The following CPEB1 variants were observed in gnomAD, a reference collection of about 807,000 sequenced individuals.
CPEB1 encodes cytoplasmic polyadenylation element binding protein 1, also known as cytoplasmic polyadenylation element-binding protein 1.
Under a neutral mutation model 65.8 loss-of-function variants are expected in CPEB1, and 7 were observed. The observed-to-expected ratio is 0.11, with a 90% CI of 0.06 to 0.20. The LOEUF (loss-of-function observed/expected upper bound fraction) is 0.20, where lower values mean the gene tolerates loss of function less well. Among genes scored for constraint, CPEB1 ranks in the 10% least tolerant of loss-of-function variants. CPEB1 has a pLI of 1.00. For synonymous variants in CPEB1, 262 were observed against 260.0 expected (o/e 1.01, Z -0.08); for missense variants, 551 against 712.2 (o/e 0.77, Z 2.58).
At chr15:82,563,909 A>T (rs888813050) in intron 4 of CPEB1, among the ~76,000 whole-genome samples, 10 of 152,162 alleles carry the variant, frequency 6.6e-5, no homozygotes, top group Admixed American at 1.3e-4. Flanking sequence ...TTATCTAATC[A>T]GCAGAGGGAA....
intron 2 of CPEB1, 43 bp downstream of exon 2, chr15:82,628,320 AT>A (rs1194850174): frequency 1.4e-6 from 1 of 702,510 alleles, no homozygotes; most frequent in Non-Finnish European, 2.6e-6. Flanking sequence ...GGGAGTGAAG[AT>A]TTCCAAGACA....
intron 1 of CPEB1, among the ~76,000 whole-genome samples, chr15:82,636,373 G>A (rs1047063334): frequency 6.6e-6 from 1 of 152,108 alleles, no homozygotes; most frequent in African/African-American, 2.4e-5. Flanking sequence ...CATCTTTGTA[G>A]GATCTGACCC....
Position 82,627,387 on chromosome 15 carries a change from G to C in CPEB1, c.97-20C>G, listed in dbSNP as rs757156470. 1.9e-6 allele frequency: 3 copies of C among 1,584,336 alleles called. No individual in the cohort carries two copies. The African/African-American group carries it at 4.1e-5, about 22-fold the overall frequency. The stretch of plus-strand genomic sequence containing the variant: ...TTCTTCCTAGACACAGAAAAAAAAA[G>C]ATATTTAGGTTTTCTACACTCCTTT... On this transcript the variant is annotated intron_variant, in intron 2 of 12. Transcript: ENST00000684509.
intron 3 of CPEB1, among the ~76,000 whole-genome samples, chr15:82,572,448 C>T (rs2151058824): frequency 6.6e-6 from 1 of 152,242 alleles, no homozygotes; most frequent in East Asian, 1.9e-4. Context: ...GGACATGGCC[C>T]ACAACCCACA....
intron 3 of CPEB1, among the ~76,000 whole-genome samples, chr15:82,579,338 G>C (rs575846012): frequency 5.3e-5 from 8 of 152,214 alleles, no homozygotes; most frequent in African/African-American, 1.9e-4. Flanking sequence ...GTGTTTGTCT[G>C]TGGTCCCAGC....
intron 3 of CPEB1, 25 bp downstream of exon 3, chr15:82,627,168 G>T (rs756837753): frequency 1.3e-6 from 2 of 1,598,822 alleles, no homozygotes; most frequent in Non-Finnish European, 1.7e-6. Context: ...TGCCTACCAC[G>T]TTCAAGTTTT....
intron 3 of CPEB1, among the ~76,000 whole-genome samples, chr15:82,626,681 G>A (rs192294326): frequency 2.6e-5 from 4 of 152,174 alleles, no homozygotes; most frequent in South Asian, 2.1e-4. Context: ...TAAAACATTC[G>A]AGAGCTACAC....
At chr15:82,644,981 A>G (rs2047382798) in intron 1 of CPEB1, among the ~76,000 whole-genome samples, 1 of 152,196 alleles carries the variant, frequency 6.6e-6, no homozygotes, top group African/African-American at 2.4e-5. Context: ...CCATTCCTGT[A>G]TCAAACGCCT....
intron 3 of CPEB1, among the ~76,000 whole-genome samples, chr15:82,620,568 C>T (rs144308682): frequency 5.2e-4 from 79 of 152,092 alleles, no homozygotes; most frequent in African/African-American, 1.7e-3. Context: ...GAAGCCAAGG[C>T]AAGGAATTTG....
chr15:82,580,228 G>A (rs1567198365), intron 3 of CPEB1, among the ~76,000 whole-genome samples: 2 of 151,086 alleles, frequency 1.3e-5, no homozygotes, highest in African/African-American at 2.4e-5. Flanking sequence ...GGCTGAGGCA[G>A]AAGAATCGCT....
At chr15:82,565,168 T>C (rs2038916370) in intron 4 of CPEB1, among the ~76,000 whole-genome samples, 1 of 152,202 alleles carries the variant, frequency 6.6e-6, no homozygotes, top group African/African-American at 2.4e-5. Flanking sequence ...CAAGTGAATT[T>C]TGTGGAAACT....
chr15:82,636,937 T>G (rs1219288259), intron 1 of CPEB1, among the ~76,000 whole-genome samples: 1 of 152,232 alleles, frequency 6.6e-6, no homozygotes, highest in Non-Finnish European at 1.5e-5. Context: ...AAAGTCATTT[T>G]GGGATTTGGG....
intron 3 of CPEB1, among the ~76,000 whole-genome samples, chr15:82,580,137 T>A (rs1458663597): frequency 6.6e-6 from 1 of 150,422 alleles, no homozygotes; most frequent in Non-Finnish European, 1.5e-5. Context: ...CTGGCCAACA[T>A]GGTGAAACCC....
At chr15:82,566,940 A>G (rs1210119429) in intron 4 of CPEB1, among the ~76,000 whole-genome samples, 2 of 152,122 alleles carry the variant, frequency 1.3e-5, no homozygotes, top group Non-Finnish European at 2.9e-5. Context: ...AATCAACACA[A>G]GCAGGAGGCA....
At chr15:82,630,520 T>C (rs952724454) in intron 1 of CPEB1, among the ~76,000 whole-genome samples, 12 of 151,912 alleles carry the variant, frequency 7.9e-5, no homozygotes, top group African/African-American at 2.7e-4. Context: ...GTAGGAGGAA[T>C]GCTTGAACCC....
chr15:82,586,222 T>C (rs372259762), intron 3 of CPEB1, among the ~76,000 whole-genome samples: 19 of 151,612 alleles, frequency 1.3e-4, no homozygotes, highest in African/African-American at 3.9e-4. Context: ...GATTGGAAGG[T>C]TGAAGCATTT....
At chr15:82,624,230 A>C (rs893693118) in intron 3 of CPEB1, among the ~76,000 whole-genome samples, 2 of 152,168 alleles carry the variant, frequency 1.3e-5, no homozygotes, top group Non-Finnish European at 2.9e-5. Context: ...CACAAGTGGA[A>C]AGCAGAGAGA....
chr15:82,554,098 T>TGCCTGAGA (rs2036769808), intron 6 of CPEB1, 107 bp from the exon 7 acceptor site: 2 of 622,374 alleles, frequency 3.2e-6, no homozygotes, highest in East Asian at 5.7e-5. Context: ...GCCACAATCC[T>TGCCTGAGA]TGCCCAGATG....
intron 4 of CPEB1, among the ~76,000 whole-genome samples, chr15:82,566,548 T>A (rs12592022): frequency 0.1 from 15,517 of 152,120 alleles, 985 homozygotes; most frequent in East Asian, 0.3. Context: ...GAGTGTGGAC[T>A]TCCCCCCGAC....
Sources: gnomAD v4.1 joint callset for allele counts (sites outside exome capture counted in the v4.1 genomes callset) on GRCh38, gnomAD v4.1.1 for gene constraint, MANE v1.5 for transcripts, NCBI Gene and HGNC (gene_info 2026-07-23, HGNC 2026-07-21) for gene names.